MAN1A1: variants seen among roughly 807,000 people sequenced by gnomAD.
MAN1A1 encodes mannosyl-oligosaccharide 1,2-alpha-mannosidase IA.
In MAN1A1, 29 loss-of-function variants were observed where a neutral mutation model predicts 70.8. The ratio of observed to expected loss-of-function variants is 0.41; its 90% confidence interval spans 0.31 to 0.56. MAN1A1 has a LOEUF of 0.56. Among genes scored for constraint, MAN1A1 ranks in the 20% least tolerant of loss-of-function variants. The pLI, the probability that MAN1A1 is intolerant of heterozygous loss-of-function variation, is 0.29. For synonymous variants in MAN1A1, 349 were observed against 330.1 expected, an observed-to-expected ratio of 1.06 and a Z score of -0.62; for missense variants, 747 against 841.3, an observed-to-expected ratio of 0.89 and a Z score of 1.39.
chr6:119,239,091 C>T (rs932128845), intron 6 of MAN1A1, among the ~76,000 whole-genome samples: 2 of 152,082 alleles, frequency 1.3e-5, no homozygotes, highest in South Asian at 2.1e-4. Flanking sequence ...GGGGTTTCAC[C>T]GTGGTCTCGA....
chr6:119,284,219 C>T (rs1241761857), intron 5 of MAN1A1, among the ~76,000 whole-genome samples: 1 of 152,156 alleles, frequency 6.6e-6, no homozygotes, highest in African/African-American at 2.4e-5. Context: ...TACTTGATTT[C>T]TTCCAAATAG....
In MAN1A1 at chr6:119,349,546, G is replaced by T; in HGVS notation, c.-227C>A. On this transcript the variant is annotated 5_prime_UTR_variant, in exon 1 of 13. Coordinates refer to ENST00000368468, the MANE Select transcript of MAN1A1 (RefSeq NM_005907.4). The stretch of plus-strand genomic sequence containing the variant: ...CCTCGGGGAGGGGCAGCGCACCTCT[G>T]GGCAGGAGGGGCGCAGCGTGGGCGG... The T allele has an allele frequency of 2.0e-6, 2 of 986,290 alleles. No individual in the cohort carries two copies. 61.1% of individuals were successfully genotyped at this position (986,290 alleles called of 1,614,324 possible).
chr6:119,302,588 G>C (rs899345047), intron 3 of MAN1A1, among the ~76,000 whole-genome samples: 2 of 151,960 alleles, frequency 1.3e-5, no homozygotes, highest in Non-Finnish European at 2.9e-5. Flanking sequence ...CACCATGTTG[G>C]CCAGAATGGT....
chr6:119,266,795 A>G (rs561396359), intron 5 of MAN1A1, among the ~76,000 whole-genome samples: 1 of 152,334 alleles, frequency 6.6e-6, no homozygotes, highest in East Asian at 1.9e-4. Flanking sequence ...CAAGAGAATG[A>G]GAAGACAAGC....
intron 4 of MAN1A1, among the ~76,000 whole-genome samples, chr6:119,299,242 C>A (rs1772317035): frequency 6.6e-6 from 1 of 151,924 alleles, no homozygotes; most frequent in Non-Finnish European, 1.5e-5. Flanking sequence ...AAAAGTAAGT[C>A]AATATACCTC....
chr6:119,262,923 G>A (rs1326158839), intron 5 of MAN1A1, among the ~76,000 whole-genome samples: 1 of 152,170 alleles, frequency 6.6e-6, no homozygotes, highest in African/African-American at 2.4e-5. Context: ...TGAATCAGTG[G>A]GCTGGGGAAG....
At chr6:119,261,307 G>A (rs1298555442) in intron 5 of MAN1A1, among the ~76,000 whole-genome samples, 1 of 152,036 alleles carries the variant, frequency 6.6e-6, no homozygotes, top group East Asian at 1.9e-4. Context: ...TTGCACACAC[G>A]CACATATTTC....
chr6:119,241,055 C>T (rs1774989690), intron 6 of MAN1A1, among the ~76,000 whole-genome samples: 1 of 152,090 alleles, frequency 6.6e-6, no homozygotes, highest in South Asian at 2.1e-4. Flanking sequence ...AATAGCTTTA[C>T]TTTTAAACAG....
chr6:119,275,824 C>A lies in MAN1A1; in HGVS notation c.897+14859G>T, dbSNP rs145753822. Among the ~76,000 whole-genome samples the A allele has an allele frequency of 1.5e-3, 225 of 152,264 alleles. 1 individual carries two copies. The highest frequency in any genetic ancestry group is 5.1e-3 in the African/African-American group (212 of 41,534). The stretch of plus-strand genomic sequence containing the variant: ...AAGGAAGAAAAGTTGTGGTACCAAC[C>A]CTGGCAACACTGGTTTTGGGAATAA... On this transcript the variant is annotated intron_variant, in intron 5 of 12. Transcript: ENST00000368468.
At chr6:119,268,234 C>T (rs149013688) in intron 5 of MAN1A1, among the ~76,000 whole-genome samples, 1 of 152,260 alleles carries the variant, frequency 6.6e-6, no homozygotes, top group East Asian at 1.9e-4. Context: ...ATAGTTCATA[C>T]AGGAGGGGCA....
chr6:119,268,872 T>C (rs960953201), intron 5 of MAN1A1, among the ~76,000 whole-genome samples: 16 of 152,286 alleles, frequency 1.1e-4, no homozygotes, highest in Non-Finnish European at 2.1e-4. Context: ...TAAGCCAATG[T>C]GCCCGGCCCT....
At chr6:119,188,772 G>A (rs1008471) in intron 10 of MAN1A1, among the ~76,000 whole-genome samples, 195 bp from the exon 11 acceptor site, 108,430 of 152,042 alleles carry the variant, frequency 0.71, 40,975 homozygotes, top group Non-Finnish European at 0.83. Context: ...CATACAACCT[G>A]GGTACATCCT....
chr6:119,180,032 C>T (rs1773108385), intron 12 of MAN1A1, 87 bp from the exon 13 acceptor site: 6 of 1,333,414 alleles, frequency 4.5e-6, no homozygotes, highest in Non-Finnish European at 6.4e-6. Flanking sequence ...ACATCAATGT[C>T]TGCATTCATC....
chr6:119,182,407 G>C (rs189927357), intron 11 of MAN1A1, among the ~76,000 whole-genome samples: 1 of 151,828 alleles, frequency 6.6e-6, no homozygotes, highest in African/African-American at 2.4e-5. Flanking sequence ...TTTTTGGGTC[G>C]AATCCAAAAA....
intron 2 of MAN1A1, among the ~76,000 whole-genome samples, chr6:119,318,952 T>C (rs529030603): frequency 6.6e-6 from 1 of 152,344 alleles, no homozygotes; most frequent in African/African-American, 2.4e-5. Context: ...TATTGCTCAA[T>C]ATTACTAGCT....
intron 2 of MAN1A1, among the ~76,000 whole-genome samples, chr6:119,339,988 G>T (rs1773558607): frequency 6.6e-6 from 1 of 152,164 alleles, no homozygotes; most frequent in African/African-American, 2.4e-5. Context: ...CTACTCAGGA[G>T]GCTGAGGCAG....
At chr6:119,298,398 T>C (rs1772281778) in intron 4 of MAN1A1, among the ~76,000 whole-genome samples, 1 of 152,136 alleles carries the variant, frequency 6.6e-6, no homozygotes, top group South Asian at 2.1e-4. Flanking sequence ...TGAGTTTTAG[T>C]TAATTACAGT....
chr6:119,213,147 T>G (rs1250076299), intron 6 of MAN1A1, among the ~76,000 whole-genome samples: 1 of 152,220 alleles, frequency 6.6e-6, no homozygotes, highest in Non-Finnish European at 1.5e-5. Context: ...GACAGTTAAT[T>G]AAACCATCTT....
intron 2 of MAN1A1, among the ~76,000 whole-genome samples, chr6:119,324,851 G>C (rs906200156): frequency 1.3e-5 from 2 of 152,100 alleles, no homozygotes; most frequent in South Asian, 4.1e-4. Flanking sequence ...AATTCGGGCT[G>C]GATAAGCCTG....
Sources: allele counts gnomAD v4.1 joint callset (sites outside exome capture counted in the v4.1 genomes callset), GRCh38; gene constraint gnomAD v4.1.1; transcripts MANE v1.5; gene names NCBI Gene and HGNC (gene_info 2026-07-23, HGNC 2026-07-21).